The following RELN variants were observed in gnomAD, a reference collection of about 807,000 sequenced individuals.
RELN encodes the protein reelin.
A neutral mutation model predicts 427.6 loss-of-function variants in RELN; 108 were observed. The observed-to-expected ratio is 0.25, with a 90% CI of 0.22 to 0.30. RELN has a LOEUF of 0.30. RELN is among the 10% of genes least tolerant of loss of function. The pLI, the probability that RELN is intolerant of heterozygous loss-of-function variation, is 1.00. For synonymous variants in RELN, 1,524 were observed against 1,513.4 expected (o/e 1.01, Z -0.16); for missense variants, 3,715 against 4,302.8 (o/e 0.86, Z 3.82).
chr7:103,657,854 G>C (rs1349144912), intron 12 of RELN, among the ~76,000 whole-genome samples: 1 of 152,068 alleles, frequency 6.6e-6, no homozygotes, highest in African/African-American at 2.4e-5. Context: ...CAGAAATTAA[G>C]GTGCAGGAAG....
chr7:103,528,727 C>T (rs1485411944), intron 46 of RELN, among the ~76,000 whole-genome samples: 1 of 148,070 alleles, frequency 6.8e-6, no homozygotes, highest in Non-Finnish European at 1.5e-5. Flanking sequence ...CGGGGTTTCA[C>T]CATGTTGGCC....
At chr7:103,861,525 C>T (rs971025353) in intron 2 of RELN, among the ~76,000 whole-genome samples, 1 of 152,146 alleles carries the variant, frequency 6.6e-6, no homozygotes, top group Non-Finnish European at 1.5e-5. Flanking sequence ...CATGTAGTTG[C>T]TGCAGTAAGG....
intron 1 of RELN, among the ~76,000 whole-genome samples, chr7:103,957,635 G>C (rs1563111083): frequency 1.3e-5 from 2 of 152,090 alleles, no homozygotes; most frequent in Admixed American, 1.3e-4. Context: ...AGCAGGACCT[G>C]GTGATGCCTG....
At chr7:103,567,090 G>A (rs1260436734) in intron 31 of RELN, among the ~76,000 whole-genome samples, 1 of 152,174 alleles carries the variant, frequency 6.6e-6, no homozygotes, top group Non-Finnish European at 1.5e-5. Context: ...ACATTACAAA[G>A]TCTCATATCA....
rs57665391 is a variant in RELN, at chr7:103,670,703, T to A, written c.1290-9176A>T. ...CCAGGAAAAAGTCAGGCATTCAGTT[T>A]ATATGAATTATAATTCAGAGTGAAA... On this transcript the variant is annotated intron_variant, in intron 11 of 64. Coordinates refer to ENST00000428762, the MANE Select transcript of RELN (RefSeq NM_005045.4). Among the ~76,000 whole-genome samples the A allele has an allele frequency of 8.9e-3, 1,359 of 152,174 alleles. 16 individuals are homozygous for A. The highest frequency in any genetic ancestry group is 0.031 in the African/African-American group (1,271 of 41,554).
rs531852338 is a variant in RELN at position 103,595,482 on chromosome 7, C to A, written c.3539+974G>T. Among the ~76,000 whole-genome samples, 3 of 152,196 alleles carry A rather than the reference C, an allele frequency of 2.0e-5. No homozygotes were observed. In the South Asian group the frequency reaches 6.2e-4, roughly 32 times the overall value. ...GTTTTATCATGGTAAGTTCTGTCACCTTTAAATGACCTAATACTTTAAAAA... is the reference window on the plus strand; with the variant it reads ...GTTTTATCATGGTAAGTTCTGTCACATTTAAATGACCTAATACTTTAAAAA... On this transcript the variant is annotated intron_variant, in intron 25 of 64. Coordinates refer to ENST00000428762, the MANE Select transcript of RELN (RefSeq NM_005045.4).
chr7:103,711,946 A>C (rs1488875518), intron 8 of RELN, among the ~76,000 whole-genome samples: 1 of 152,130 alleles, frequency 6.6e-6, no homozygotes, highest in Non-Finnish European at 1.5e-5. Flanking sequence ...GGTGTGAGCC[A>C]CCACAGCTGA....
At chr7:103,756,492 C>T (rs1791157947) in intron 4 of RELN, among the ~76,000 whole-genome samples, 1 of 151,870 alleles carries the variant, frequency 6.6e-6, no homozygotes, top group Admixed American at 6.6e-5. Flanking sequence ...ATATGTCCAC[C>T]CAAGACATAA....
intron 51 of RELN, 86 bp downstream of exon 51, chr7:103,510,756 TAAGTCAATG>T (rs1457356834): frequency 9.8e-7 from 1 of 1,018,364 alleles, no homozygotes; most frequent in Non-Finnish European, 1.5e-6. Flanking sequence ...AAGTATATAC[TAAGTCAATG>T]AAATATTAGA....
chr7:103,964,493 T>C (rs1426572511), intron 1 of RELN, among the ~76,000 whole-genome samples: 1 of 152,086 alleles, frequency 6.6e-6, no homozygotes, highest in Non-Finnish European at 1.5e-5. Context: ...AGCAATAATA[T>C]CTCACCTATC....
chr7:103,617,632 T>C (rs1259338696), intron 20 of RELN, among the ~76,000 whole-genome samples: 2 of 151,840 alleles, frequency 1.3e-5, no homozygotes, highest in African/African-American at 4.8e-5. Context: ...ACATTTATTA[T>C]ATATATACAT....
intron 2 of RELN, among the ~76,000 whole-genome samples, chr7:103,895,968 A>G (rs1178912159): frequency 1.3e-5 from 2 of 152,164 alleles, no homozygotes; most frequent in African/African-American, 4.8e-5. Context: ...TACACAGGAT[A>G]TATTACAAAC....
chr7:103,745,480 C>T (rs1290929684), intron 6 of RELN, among the ~76,000 whole-genome samples: 2 of 145,850 alleles, frequency 1.4e-5, no homozygotes, highest in South Asian at 2.1e-4. Flanking sequence ...CAAATTGTCC[C>T]TGTTTGCAGA....
At position 103,651,731 on chromosome 7, in the gene RELN, A is replaced by T. The variant is rs1244000152; in HGVS notation, c.1822T>A (p.Cys608Ser). 2 of 1,612,092 alleles carry T rather than the reference A, an allele frequency of 1.2e-6. No individual in the cohort carries two copies. The highest frequency in any genetic ancestry group is 1.7e-6 in the Non-Finnish European group (2 of 1,178,786). The part of the protein sequence containing the change: ...GRSWSLLHTE[C>S]LPEICAGPHL... Reference sequence around the variant, plus strand: ...GGTCCAGCACAGATCTCAGGTAAGCATTCAGTGTGAAGGAGGGACCAGGAG... The same window carrying T: ...GGTCCAGCACAGATCTCAGGTAAGCTTTCAGTGTGAAGGAGGGACCAGGAG... The change falls in exon 15 of 65, where the codon TGC (cysteine) becomes AGC (serine). Residue 608 changes from cysteine (C) to serine (S), a missense_variant. Physicochemically the swap from Cys to Ser is moderately radical, Grantham distance 112 (BLOSUM62 -1). Transcript: ENST00000428762.
rs1269234470 is a variant in RELN at position 103,854,604 on chromosome 7, T to C, written c.338-20932A>G. Among the ~76,000 whole-genome samples, 8 of 152,178 alleles carry C rather than the reference T, an allele frequency of 5.3e-5. No individual in the cohort carries two copies. In the South Asian group the frequency reaches 1.5e-3, roughly 28 times the overall value. ...AAAAAATATCATCTCCCTTGTGACT[T>C]TCTGAGATGAGGGAACCATCAGATT... On this transcript the variant is annotated intron_variant, in intron 2 of 64. Transcript: ENST00000428762.
At chr7:103,778,532 G>A (rs965582286) in intron 3 of RELN, among the ~76,000 whole-genome samples, 2 of 152,130 alleles carry the variant, frequency 1.3e-5, no homozygotes, top group Non-Finnish European at 2.9e-5. Context: ...CCATGAACAC[G>A]ATCAGCCAAA....
intron 6 of RELN, among the ~76,000 whole-genome samples, chr7:103,728,642 T>C (rs1270863822): frequency 6.6e-6 from 1 of 152,196 alleles, no homozygotes; most frequent in East Asian, 1.9e-4. Flanking sequence ...CGTTTGCAAG[T>C]ATTAAAAATA....
In RELN at chr7:103,539,138, C is replaced by T. The variant is rs1272217791; in HGVS notation, c.7120G>A (p.Glu2374Lys). The T allele has an allele frequency of 6.2e-7, 1 of 1,614,084 alleles. No homozygotes were observed. The highest frequency in any genetic ancestry group is 1.7e-5 in the Admixed American group (1 of 59,996). The stretch of plus-strand genomic sequence containing the variant: ...AAGTCTATCTGTAGGAAGGAATCCT[C>T]ATTCACGGCAACGTCTGTGCTGACC... The part of the protein sequence containing the change: ...YVVSTDVAVN[E>K]DSFLQIDFAA... The change falls in exon 45 of 65, where the codon GAG becomes AAG. Residue 2374 changes from glutamate to lysine, a missense_variant. Transcript: ENST00000428762.
chr7:103,702,723 C>A (rs1834120182), intron 8 of RELN, among the ~76,000 whole-genome samples: 1 of 152,186 alleles, frequency 6.6e-6, no homozygotes, highest in South Asian at 2.1e-4. Context: ...TTGTTGAATG[C>A]ATCTCTTCCT....
Sources: gnomAD v4.1 joint callset for allele counts (sites outside exome capture counted in the v4.1 genomes callset) on GRCh38, gnomAD v4.1.1 for gene constraint, MANE v1.5 for transcripts, NCBI Gene and HGNC (gene_info 2026-07-23, HGNC 2026-07-21) for gene names.